Variants in CACNA2D1 observed in about 807,000 individuals in gnomAD.
CACNA2D1 encodes voltage-dependent calcium channel subunit alpha-2/delta-1.
Under a neutral mutation model 171.5 loss-of-function variants are expected in CACNA2D1, and 53 were observed. The observed-to-expected ratio is 0.31, with a 90% CI of 0.25 to 0.39. The LOEUF (loss-of-function observed/expected upper bound fraction) is 0.39. Ranked by LOEUF, CACNA2D1 falls within the 10% of genes least tolerant of loss-of-function variation. CACNA2D1 has a pLI of 1.00. For synonymous variants in CACNA2D1, 442 were observed against 443.1 expected (o/e 1.00, Z 0.03); for missense variants, 903 against 1,299.8 (o/e 0.69, Z 4.69).
chr7:82,408,132 T>C (rs1342352286), intron 1 of CACNA2D1, among the ~76,000 whole-genome samples: 1 of 151,898 alleles, frequency 6.6e-6, no homozygotes, highest in African/African-American at 2.4e-5. Context: ...GCAATTCTTG[T>C]GCCTCAGCCT....
chr7:82,196,565 T>C (rs1585068973), intron 3 of CACNA2D1, among the ~76,000 whole-genome samples: 1 of 152,008 alleles, frequency 6.6e-6, no homozygotes, highest in East Asian at 1.9e-4. Flanking sequence ...GGCTTGGAGC[T>C]TGTTGTTTTA....
chr7:82,190,191 G>C (rs1269300740), intron 3 of CACNA2D1, among the ~76,000 whole-genome samples: 1 of 151,622 alleles, frequency 6.6e-6, no homozygotes, highest in Non-Finnish European at 1.5e-5. Flanking sequence ...AAATGATATT[G>C]TTATTCACCT....
chr7:82,013,431 A>C (rs1296349123), intron 14 of CACNA2D1, 30 bp downstream of exon 14: 5 of 984,428 alleles, frequency 5.1e-6, no homozygotes, highest in Non-Finnish European at 7.1e-6. Flanking sequence ...CTTGAAAAAA[A>C]TAATTTAAAC....
intron 11 of CACNA2D1, among the ~76,000 whole-genome samples, chr7:82,036,019 C>T (rs972583750): frequency 2.6e-5 from 4 of 152,044 alleles, no homozygotes; most frequent in Non-Finnish European, 5.9e-5. Flanking sequence ...ATAACATGAC[C>T]TCAAATTCAA....
chr7:82,018,646 A>T (rs1800802168), intron 12 of CACNA2D1, among the ~76,000 whole-genome samples: 3 of 152,212 alleles, frequency 2.0e-5, no homozygotes, highest in Admixed American at 2.0e-4. Flanking sequence ...ACATAGTTAT[A>T]TAATTGTAAA....
chr7:82,233,058 A>G (rs1372269739), intron 3 of CACNA2D1, among the ~76,000 whole-genome samples: 1 of 152,064 alleles, frequency 6.6e-6, no homozygotes, highest in African/African-American at 2.4e-5. Context: ...AATTTCTTAT[A>G]ACGGGGAAGT....
intron 10 of CACNA2D1, among the ~76,000 whole-genome samples, chr7:82,055,576 T>C (rs910194186): frequency 6.6e-5 from 10 of 151,614 alleles, no homozygotes; most frequent in Non-Finnish European, 1.5e-4. Context: ...TGGAATACTA[T>C]GCAGCCATAA....
chr7:82,017,066 C>G (rs1343423508), intron 12 of CACNA2D1, among the ~76,000 whole-genome samples: 1 of 151,984 alleles, frequency 6.6e-6, no homozygotes, highest in Non-Finnish European at 1.5e-5. Flanking sequence ...CTAATATACC[C>G]AAGATTATTT....
At chr7:82,259,571 C>T (rs1806813357) in intron 3 of CACNA2D1, among the ~76,000 whole-genome samples, 1 of 152,062 alleles carries the variant, frequency 6.6e-6, no homozygotes, top group Non-Finnish European at 1.5e-5. Flanking sequence ...TACTTTCAGG[C>T]CTAAATACTA....
At chr7:82,156,195 A>G (rs1794355961) in intron 4 of CACNA2D1, among the ~76,000 whole-genome samples, 1 of 152,168 alleles carries the variant, frequency 6.6e-6, no homozygotes, top group Admixed American at 6.5e-5. Context: ...GATTAACTTA[A>G]TTTTCCATGC....
At position 82,379,295 on chromosome 7, in the gene CACNA2D1, TG is replaced by T. The variant is rs140796094; in HGVS notation, c.96-29647del. Among the ~76,000 whole-genome samples, 422 of 140,596 alleles carry T rather than the reference TG, an allele frequency of 3.0e-3. 2 individuals are homozygous for T. Among genetic ancestry groups the T allele is most frequent in the African/African-American group, 0.011 (393 of 36,572 alleles). The allele number at this position is 140,596 out of a possible 152,430, so 92.2% of individuals were successfully genotyped here. On this transcript the variant is annotated intron_variant, in intron 1 of 38. Transcript: ENST00000356860. Reference sequence around the variant, plus strand: ...TCAAAGCATAGATCACAAGAATCCATGGAAACATAATTCATAATTTTTTTCA... The same window carrying T: ...TCAAAGCATAGATCACAAGAATCCATGAAACATAATTCATAATTTTTTTCA...
intron 3 of CACNA2D1, among the ~76,000 whole-genome samples, chr7:82,296,051 T>C (rs963601846): frequency 1.3e-5 from 2 of 151,264 alleles, no homozygotes; most frequent in African/African-American, 4.9e-5. Context: ...TAGATGGGAA[T>C]TGAACAATGA....
intron 6 of CACNA2D1, among the ~76,000 whole-genome samples, chr7:82,113,313 T>G (rs186523426): frequency 3.0e-4 from 45 of 152,274 alleles, no homozygotes; most frequent in African/African-American, 9.1e-4. Flanking sequence ...GTTCTGAGAT[T>G]AAAAACAAAT....
intron 3 of CACNA2D1, among the ~76,000 whole-genome samples, chr7:82,203,731 G>A (rs1426368940): frequency 6.6e-6 from 1 of 152,202 alleles, no homozygotes; most frequent in Non-Finnish European, 1.5e-5. Flanking sequence ...TCTCAGCTAT[G>A]GAAAGGAGCT....
At chr7:82,168,653 A>AAT (rs112687503) in intron 4 of CACNA2D1, among the ~76,000 whole-genome samples, 14,882 of 152,072 alleles carry the variant, frequency 0.098, 1,298 homozygotes, top group African/African-American at 0.23. Flanking sequence ...AAGAGTTCAC[A>AAT]ATGTCTAGGA....
chr7:82,266,300 C>G (rs1807842820), intron 3 of CACNA2D1, among the ~76,000 whole-genome samples: 1 of 152,128 alleles, frequency 6.6e-6, no homozygotes. Context: ...TTGTAGGTCA[C>G]TGCTGTTCTA....
At chr7:82,405,372 T>A (rs1004756375) in intron 1 of CACNA2D1, among the ~76,000 whole-genome samples, 12 of 152,242 alleles carry the variant, frequency 7.9e-5, no homozygotes, top group African/African-American at 2.2e-4. Flanking sequence ...GATATCTAAC[T>A]AAATTAAGGC....
chr7:82,113,247 A>G (rs1259778067), intron 6 of CACNA2D1, among the ~76,000 whole-genome samples: 1 of 152,152 alleles, frequency 6.6e-6, no homozygotes, highest in African/African-American at 2.4e-5. Context: ...ATAATTATAC[A>G]ATATTCTATG....
At chr7:82,023,475 T>C (rs1214521361) in intron 12 of CACNA2D1, among the ~76,000 whole-genome samples, 1 of 151,812 alleles carries the variant, frequency 6.6e-6, no homozygotes, top group Non-Finnish European at 1.5e-5. Flanking sequence ...CCTACCTGGA[T>C]TGCTCTGAAA....
Sources: allele counts gnomAD v4.1 joint callset (sites outside exome capture counted in the v4.1 genomes callset), GRCh38; gene constraint gnomAD v4.1.1; transcripts MANE v1.5; gene names NCBI Gene and HGNC (gene_info 2026-07-23, HGNC 2026-07-21).